The following WWOX variants were observed in gnomAD, a reference collection of about 807,000 sequenced individuals.
WWOX encodes WW domain-containing oxidoreductase.
In WWOX, 69 loss-of-function variants were observed where a neutral mutation model predicts 46.2. The observed-to-expected ratio is 1.49, with a 90% confidence interval of 1.23 to 1.82. WWOX has a LOEUF of 1.82. Among genes scored for constraint, WWOX ranks in the 40% most tolerant of loss-of-function variants. The pLI, the probability that WWOX is intolerant of heterozygous loss-of-function variation, is 0.00. For missense variants in WWOX, 919 were observed against 542.6 expected (o/e 1.69, Z -6.89); for synonymous variants, 359 against 202.6 (o/e 1.77, Z -6.56).
At chr16:78,617,166 C>G (rs561359160) in intron 8 of WWOX, among the ~76,000 whole-genome samples, 3 of 152,280 alleles carry the variant, frequency 2.0e-5, no homozygotes, top group East Asian at 1.9e-4. Flanking sequence ...AATCCCAGCA[C>G]TTTGGGAGGC....
rs74889158 is a variant in WWOX at position 78,387,231 on chromosome 16, G to C, written c.605+283G>C. ...GCTAATAAAAGCTTGGCAATAGTAA[G>C]ATGCATCCTGATTATAAGATTTTTT... On this transcript the variant is annotated intron_variant, in intron 6 of 8. Transcript: ENST00000566780. Among the ~76,000 whole-genome samples the C allele has an allele frequency of 0.026, 3,937 of 152,236 alleles. 307 individuals carry two copies. Among genetic ancestry groups the C allele is most frequent in the East Asian group, 0.17 (882 of 5,168 alleles).
At chr16:79,162,354 C>G (rs1056169835) in intron 8 of WWOX, among the ~76,000 whole-genome samples, 3 of 152,160 alleles carry the variant, frequency 2.0e-5, no homozygotes, top group African/African-American at 7.2e-5. Flanking sequence ...TAAGGCCACG[C>G]AGACCAGAGT....
intron 8 of WWOX, among the ~76,000 whole-genome samples, chr16:79,130,940 A>G (rs578131653): frequency 6.6e-6 from 1 of 152,222 alleles, no homozygotes; most frequent in Non-Finnish European, 1.5e-5. Flanking sequence ...AGACCACTGC[A>G]TTGTTGGCCA....
chr16:78,289,380 C>A (rs966061863), intron 5 of WWOX, among the ~76,000 whole-genome samples: 1 of 151,962 alleles, frequency 6.6e-6, no homozygotes, highest in Non-Finnish European at 1.5e-5. Context: ...TAAGATTGTT[C>A]CACATCAGGA....
At chr16:78,426,052 C>T (rs544747862) in intron 7 of WWOX, among the ~76,000 whole-genome samples, 59 of 152,294 alleles carry the variant, frequency 3.9e-4, no homozygotes, top group African/African-American at 1.3e-3. Context: ...AAGTGACACA[C>T]TGCAGATAGA....
intron 8 of WWOX, among the ~76,000 whole-genome samples, chr16:78,557,594 C>T (rs950214219): frequency 2.0e-5 from 3 of 151,950 alleles, no homozygotes; most frequent in Admixed American, 6.6e-5. Flanking sequence ...AAGAGGATGA[C>T]CCTCTATCAC....
intron 5 of WWOX, among the ~76,000 whole-genome samples, chr16:78,323,531 A>G (rs1382730997): frequency 6.6e-6 from 1 of 152,126 alleles, no homozygotes; most frequent in Non-Finnish European, 1.5e-5. Flanking sequence ...TTAAACTAAT[A>G]GGTTACTGGG....
intron 8 of WWOX, among the ~76,000 whole-genome samples, chr16:79,152,380 C>A (rs906079283): frequency 1.3e-5 from 2 of 152,104 alleles, no homozygotes; most frequent in East Asian, 3.9e-4. Flanking sequence ...CTTTAAAAAA[C>A]CAACTGCCCA....
intron 8 of WWOX, among the ~76,000 whole-genome samples, chr16:78,714,480 G>C (rs1248328769): frequency 2.0e-5 from 3 of 151,898 alleles, no homozygotes; most frequent in Non-Finnish European, 2.9e-5. Flanking sequence ...CCCATGATAC[G>C]TGGGGATGAT....
chr16:78,369,913 A>G (rs1023265941), intron 5 of WWOX, among the ~76,000 whole-genome samples: 8 of 151,958 alleles, frequency 5.3e-5, no homozygotes, highest in Admixed American at 3.9e-4. Flanking sequence ...CGGGAGGATC[A>G]CATAAGGCCA....
intron 5 of WWOX, among the ~76,000 whole-genome samples, chr16:78,233,524 A>AT (rs36007148): frequency 0.066 from 8,346 of 125,868 alleles, 953 homozygotes; most frequent in African/African-American, 0.23. Flanking sequence ...TGATGATTAA[A>AT]TTTTTTTTTT....
intron 8 of WWOX, among the ~76,000 whole-genome samples, chr16:78,451,412 G>A (rs1466292117): frequency 6.6e-6 from 1 of 152,186 alleles, no homozygotes; most frequent in Non-Finnish European, 1.5e-5. Flanking sequence ...GGGATGGGGA[G>A]GAGCTGAGAA....
At chr16:78,391,340 A>G (rs1327812651) in intron 6 of WWOX, among the ~76,000 whole-genome samples, 1 of 152,210 alleles carries the variant, frequency 6.6e-6, no homozygotes, top group African/African-American at 2.4e-5. Context: ...GTTTGTTATA[A>G]GAGTCCTGCA....
At chr16:78,825,292 A>C (rs2051620197) in intron 8 of WWOX, 2 of 290,260 alleles carry the variant, frequency 6.9e-6, no homozygotes, top group Non-Finnish European at 1.4e-5. Context: ...TGGCCGCGCG[A>C]ATTTCCAAGA....
At chr16:78,651,951 T>C (rs1186020319) in intron 8 of WWOX, among the ~76,000 whole-genome samples, 1 of 152,144 alleles carries the variant, frequency 6.6e-6, no homozygotes, top group Non-Finnish European at 1.5e-5. Context: ...CAGGGATGGT[T>C]GCCATTATCA....
intron 8 of WWOX, among the ~76,000 whole-genome samples, chr16:78,862,096 C>G (rs1490551734): frequency 6.6e-6 from 1 of 151,918 alleles, no homozygotes; most frequent in Non-Finnish European, 1.5e-5. Flanking sequence ...ACGGGTGTGT[C>G]TGTATCTATA....
intron 8 of WWOX, among the ~76,000 whole-genome samples, chr16:78,869,982 G>A (rs985547404): frequency 2.6e-5 from 4 of 152,216 alleles, no homozygotes; most frequent in Admixed American, 6.5e-5. Context: ...TTTGGAAGCT[G>A]AATGACACAG....
At chr16:78,892,237 C>T (rs1197229810) in intron 8 of WWOX, 1 of 152,154 alleles carries the variant, frequency 6.6e-6, no homozygotes, top group Admixed American at 6.5e-5. Context: ...ATTAGCAACC[C>T]TAGCTCCTCT....
chr16:78,762,353 C>A (rs4888842), intron 8 of WWOX, among the ~76,000 whole-genome samples: 2 of 152,020 alleles, frequency 1.3e-5, no homozygotes, highest in Non-Finnish European at 2.9e-5. Context: ...TGACTGACCC[C>A]AGGCCTGCTG....
Sources: allele counts gnomAD v4.1 joint callset (sites outside exome capture counted in the v4.1 genomes callset), GRCh38; gene constraint gnomAD v4.1.1; transcripts MANE v1.5; gene names NCBI Gene and HGNC (gene_info 2026-07-23, HGNC 2026-07-21).